HIVEP1: variants seen among roughly 807,000 people sequenced by gnomAD.
HIVEP1 encodes the protein HIVEP zinc finger 1.
In HIVEP1, 36 loss-of-function variants were observed where a neutral mutation model predicts 180.0. That is an observed-to-expected ratio of 0.20 (90% CI 0.15 to 0.26). The LOEUF (loss-of-function observed/expected upper bound fraction) is 0.26. HIVEP1 is among the 10% of genes least tolerant of loss of function. The pLI is 1.00. For synonymous variants in HIVEP1, 1,239 were observed against 1,239.0 expected (o/e 1.00, Z 0.00); for missense variants, 3,143 against 3,268.7 (o/e 0.96, Z 0.94).
At chr6:12,204,464 G>A in the HIVEP1 span, among the ~76,000 whole-genome samples, 1,114 of 144,296 alleles carry the variant, frequency 7.7e-3, 35 homozygotes, top group Admixed American at 0.063. Flanking sequence ...CCCAAGCCTG[G>A]TGCATGGTGA....
chr6:12,203,536 A>T, the HIVEP1 span, among the ~76,000 whole-genome samples: 60,934 of 151,686 alleles, frequency 0.4, 12,641 homozygotes, highest in East Asian at 0.56. Context: ...ATAGTTTATT[A>T]TTATAGAGGT....
chr6:12,184,126 A>G, the HIVEP1 span, among the ~76,000 whole-genome samples: 418 of 152,276 alleles, frequency 2.7e-3, no homozygotes, highest in African/African-American at 9.7e-3. Flanking sequence ...AATTCTGTCA[A>G]ATCATTTTAC....
At chr6:12,112,144 T>C (rs1774937837) in intron 3 of HIVEP1, among the ~76,000 whole-genome samples, 1 of 152,180 alleles carries the variant, frequency 6.6e-6, no homozygotes, top group Non-Finnish European at 1.5e-5. Flanking sequence ...GCTATGGCCT[T>C]CATTTTTGAA....
Position 12,124,513 on chromosome 6 carries a change from G to A in HIVEP1, c.4718G>A (p.Cys1573Tyr). 5 of 1,614,100 alleles carry A rather than the reference G, an allele frequency of 3.1e-6. No homozygotes were observed. Among genetic ancestry groups the A allele is most frequent in the Non-Finnish European group, 1.7e-6 (2 of 1,180,030 alleles). The change falls in exon 4 of 9, where the codon TGC (cysteine) becomes TAC (tyrosine). Residue 1573 changes from cysteine to tyrosine, a missense_variant. Coordinates refer to ENST00000379388, the MANE Select transcript of HIVEP1 (RefSeq NM_002114.4). ...HCQVFTSGPS[C>Y]SSNPVHSLPN... ...CAGGTTTTCACTTCAGGCCCATCTTGCTCTTCTAATCCTGTGCATTCTTTG... is the reference window on the plus strand; with the variant it reads ...CAGGTTTTCACTTCAGGCCCATCTTACTCTTCTAATCCTGTGCATTCTTTG...
At chr6:12,080,850 A>G (rs1772740868) in intron 2 of HIVEP1, among the ~76,000 whole-genome samples, 1 of 152,164 alleles carries the variant, frequency 6.6e-6, no homozygotes, top group Admixed American at 6.6e-5. Context: ...TTATCACACT[A>G]GGGTAGACAT....
chr6:12,077,759 C>T (rs972995992), intron 2 of HIVEP1, among the ~76,000 whole-genome samples: 1 of 152,166 alleles, frequency 6.6e-6, no homozygotes, highest in Non-Finnish European at 1.5e-5. Context: ...AATGTAATGG[C>T]ATTCTTCCCT....
At chr6:12,184,026 C>CAGACAGAT in the HIVEP1 span, among the ~76,000 whole-genome samples, 1 of 104,036 alleles carries the variant, frequency 9.6e-6, no homozygotes, top group Non-Finnish European at 2.0e-5. Flanking sequence ...GATAGATAGA[C>CAGACAGAT]AGACAGACAG....
chr6:12,210,398 C>T, the HIVEP1 span, among the ~76,000 whole-genome samples: 1 of 152,038 alleles, frequency 6.6e-6, no homozygotes, highest in Admixed American at 6.6e-5. Flanking sequence ...TGAAAATATT[C>T]GATTTTAATC....
intron 2 of HIVEP1, among the ~76,000 whole-genome samples, chr6:12,055,470 C>CAA (rs201334495): frequency 6.8e-6 from 1 of 146,746 alleles, no homozygotes; most frequent in East Asian, 2.0e-4. Context: ...GACTCCGTCT[C>CAA]AAAAAAAAAA....
intron 4 of HIVEP1, 62 bp downstream of exon 4, chr6:12,125,932 A>G (rs1758043256): frequency 5.7e-6 from 5 of 877,240 alleles, no homozygotes; most frequent in African/African-American, 3.4e-5. Context: ...ATGTGTCTTG[A>G]TACCTTTAAA....
chr6:12,148,479 T>C (rs1759504151), intron 7 of HIVEP1, among the ~76,000 whole-genome samples: 1 of 152,224 alleles, frequency 6.6e-6, no homozygotes, highest in Non-Finnish European at 1.5e-5. Flanking sequence ...AGTGAAAACA[T>C]TGTATCGTGT....
chr6:12,023,842 T>C (rs1331727816), intron 2 of HIVEP1, among the ~76,000 whole-genome samples: 1 of 152,214 alleles, frequency 6.6e-6, no homozygotes, highest in African/African-American at 2.4e-5. Flanking sequence ...TGAGGTACAA[T>C]CTTATCTTAC....
intron 7 of HIVEP1, among the ~76,000 whole-genome samples, chr6:12,156,381 T>G (rs895595609): frequency 2.0e-5 from 3 of 152,188 alleles, no homozygotes; most frequent in Non-Finnish European, 4.4e-5. Context: ...TACATTTAAG[T>G]CTTTAATCCA....
intron 3 of HIVEP1, among the ~76,000 whole-genome samples, chr6:12,107,173 A>G (rs912241661): frequency 1.3e-5 from 2 of 152,246 alleles, no homozygotes; most frequent in Non-Finnish European, 2.9e-5. Flanking sequence ...GCAGTAAAGC[A>G]AATACTGCAA....
the HIVEP1 span, among the ~76,000 whole-genome samples, chr6:12,195,294 T>A: frequency 3.3e-5 from 5 of 152,210 alleles, no homozygotes; most frequent in African/African-American, 1.2e-4. Context: ...CATTTCCTGG[T>A]ATAGAGTAAG....
At chr6:12,198,118 C>T in the HIVEP1 span, among the ~76,000 whole-genome samples, 1 of 152,154 alleles carries the variant, frequency 6.6e-6, no homozygotes, top group African/African-American at 2.4e-5. Flanking sequence ...GCATATTAGT[C>T]AGTGGCCTGA....
the HIVEP1 span, among the ~76,000 whole-genome samples, chr6:12,185,958 T>G: frequency 4.6e-5 from 7 of 151,626 alleles, no homozygotes; most frequent in African/African-American, 1.7e-4. Context: ...TCAAGAGAAT[T>G]AAAAACATAT....
intron 7 of HIVEP1, among the ~76,000 whole-genome samples, chr6:12,147,312 A>G (rs1052437008): frequency 1.1e-3 from 173 of 152,190 alleles, no homozygotes; most frequent in African/African-American, 4.0e-3. Flanking sequence ...TTTAGATAGG[A>G]TTCTTGAGTA....
At chr6:12,153,665 T>C (rs1006647294) in intron 7 of HIVEP1, among the ~76,000 whole-genome samples, 2 of 150,516 alleles carry the variant, frequency 1.3e-5, no homozygotes, top group Non-Finnish European at 2.9e-5. Context: ...TGAATTGGGG[T>C]GAAATTTCCT....
Sources: gnomAD v4.1 joint callset for allele counts (sites outside exome capture counted in the v4.1 genomes callset) on GRCh38, gnomAD v4.1.1 for gene constraint, MANE v1.5 for transcripts, NCBI Gene and HGNC (gene_info 2026-07-23, HGNC 2026-07-21) for gene names.